The following CACNG3 variants were observed in gnomAD, a reference collection of about 807,000 sequenced individuals.
CACNG3 encodes voltage-dependent calcium channel gamma-3 subunit.
Under a neutral mutation model 28.5 loss-of-function variants are expected in CACNG3, and 3 were observed. The ratio of observed to expected loss-of-function variants is 0.11; its 90% CI spans 0.05 to 0.27. CACNG3 has a LOEUF of 0.27. CACNG3 is among the 10% of genes least tolerant of loss of function. The pLI is 1.00. For missense variants in CACNG3, 236 were observed against 414.4 expected (o/e 0.57, Z 3.74); for synonymous variants, 174 against 162.2 (o/e 1.07, Z -0.55).
chr16:24,349,676 A>C (rs1047346441), intron 2 of CACNG3, among the ~76,000 whole-genome samples: 7 of 152,296 alleles, frequency 4.6e-5, no homozygotes, highest in African/African-American at 1.7e-4. Flanking sequence ...GGACGACCAG[A>C]GGTCACTTTC....
chr16:24,310,848 G>A (rs1899251363), intron 1 of CACNG3, among the ~76,000 whole-genome samples: 1 of 152,106 alleles, frequency 6.6e-6, no homozygotes, highest in African/African-American at 2.4e-5. Context: ...ACAGAGGAAT[G>A]TTCATTCAAC....
chr16:24,261,334 A>G (rs1567205570), intron 1 of CACNG3, among the ~76,000 whole-genome samples: 1 of 152,228 alleles, frequency 6.6e-6, no homozygotes, highest in Non-Finnish European at 1.5e-5. Flanking sequence ...GGAAAACACA[A>G]GCCTCATCTG....
chr16:24,338,209 C>A (rs1448156888), intron 1 of CACNG3, among the ~76,000 whole-genome samples: 1 of 152,142 alleles, frequency 6.6e-6, no homozygotes, highest in East Asian at 1.9e-4. Flanking sequence ...ATAACTGGCT[C>A]CTTCTCTTTT....
chr16:24,342,409 G>C (rs1044995421), intron 1 of CACNG3, among the ~76,000 whole-genome samples: 1 of 152,102 alleles, frequency 6.6e-6, no homozygotes, highest in Non-Finnish European at 1.5e-5. Flanking sequence ...CCAGATTTGC[G>C]CCAGAAGCCA....
intron 1 of CACNG3, among the ~76,000 whole-genome samples, chr16:24,314,734 C>T (rs1899323046): frequency 2.6e-5 from 1 of 39,126 alleles, no homozygotes; most frequent in African/African-American, 9.2e-5. Context: ...AGGACTCTCG[C>T]CTCCTCCTCC....
intron 1 of CACNG3, among the ~76,000 whole-genome samples, chr16:24,287,876 A>C (rs1439790128): frequency 6.6e-6 from 1 of 152,176 alleles, no homozygotes; most frequent in Non-Finnish European, 1.5e-5. Context: ...GGAGAGGCCG[A>C]GGGGAGAGGA....
chr16:24,288,350 T>A (rs62029005), intron 1 of CACNG3, among the ~76,000 whole-genome samples: 30,809 of 152,140 alleles, frequency 0.2, 3,599 homozygotes, highest in Non-Finnish European at 0.28. Context: ...CTTTTATAGA[T>A]GAGAAACCTG....
intron 1 of CACNG3, among the ~76,000 whole-genome samples, chr16:24,311,386 G>C (rs984111893): frequency 9.2e-5 from 14 of 151,988 alleles, no homozygotes; most frequent in African/African-American, 3.4e-4. Flanking sequence ...GGCACCACCT[G>C]TAGTCCCAGC....
chr16:24,313,654 C>T (rs1276111307), intron 1 of CACNG3, among the ~76,000 whole-genome samples: 1 of 152,060 alleles, frequency 6.6e-6, no homozygotes, highest in East Asian at 1.9e-4. Flanking sequence ...CAGACAAGGT[C>T]TTATAATTTT....
At chr16:24,345,195 G>A (rs16973553) in intron 1 of CACNG3, among the ~76,000 whole-genome samples, 22 of 152,036 alleles carry the variant, frequency 1.4e-4, no homozygotes, top group Non-Finnish European at 2.6e-4. Flanking sequence ...AAATACCAAC[G>A]CAGCTCTGTC....
chr16:24,269,504 C>T lies in CACNG3; in HGVS notation c.211+12539C>T, dbSNP rs1022653593. Among the ~76,000 whole-genome samples the T allele has an allele frequency of 3.3e-5, 5 of 152,050 alleles. No homozygotes were observed. The East Asian group carries it at 9.7e-4, about 29-fold the overall frequency. ...CGGTGGCTCACACCTGTGATCCCAG[C>T]AGTTTGGGAGGTCAAGGTGGGTGGA... On this transcript the variant is annotated intron_variant, in intron 1 of 3. Transcript: ENST00000005284.
chr16:24,288,132 T>C (rs1430033889), intron 1 of CACNG3, among the ~76,000 whole-genome samples: 1 of 152,136 alleles, frequency 6.6e-6, no homozygotes, highest in Non-Finnish European at 1.5e-5. Context: ...AAGACAAAAA[T>C]GAAACTTAGC....
chr16:24,278,622 TAATA>T lies in CACNG3; in HGVS notation c.211+21676_211+21679del, dbSNP rs545675177. Among the ~76,000 whole-genome samples, 8 of 152,030 alleles carry T rather than the reference TAATA, an allele frequency of 5.3e-5. 1 individual carries two copies. In the South Asian group the frequency reaches 1.2e-3, roughly 24 times the overall value. On this transcript the variant is annotated intron_variant, in intron 1 of 3. Transcript: ENST00000005284. ...AGAGGGAGACTCTGTCTAAAAATAA[TAATA>T]AATAAATAAATAAATAAAATCTAAC... is the stretch of plus-strand genomic sequence containing the variant.
At chr16:24,295,724 C>T (rs994176327) in intron 1 of CACNG3, among the ~76,000 whole-genome samples, 3 of 152,044 alleles carry the variant, frequency 2.0e-5, no homozygotes, top group Non-Finnish European at 4.4e-5. Flanking sequence ...CGGCACACAC[C>T]TGTAGTCCCA....
intron 2 of CACNG3, among the ~76,000 whole-genome samples, chr16:24,350,451 CCAT>C (rs1472744102): frequency 6.6e-6 from 1 of 152,198 alleles, no homozygotes; most frequent in South Asian, 2.1e-4. Context: ...CCCACCACCA[CCAT>C]GTCTGGCTAA....
chr16:24,302,016 G>A (rs780623452), intron 1 of CACNG3, among the ~76,000 whole-genome samples: 12 of 152,168 alleles, frequency 7.9e-5, no homozygotes, highest in African/African-American at 1.9e-4. Flanking sequence ...CATAGGTGAA[G>A]GTTCTAGATC....
At position 24,256,705 on chromosome 16, in the gene CACNG3, A is replaced by G; in HGVS notation, c.-50A>G. 3 of 1,267,086 alleles carry G rather than the reference A, an allele frequency of 2.4e-6. No homozygotes were observed. The highest frequency in any genetic ancestry group is 3.5e-6 in the Non-Finnish European group (3 of 864,380). 78.5% of individuals were successfully genotyped at this position (1,267,086 alleles called of 1,614,324 possible). On this transcript the variant is annotated 5_prime_UTR_variant, in exon 1 of 4. Coordinates refer to ENST00000005284, the MANE Select transcript of CACNG3 (RefSeq NM_006539.4). The surrounding 1 kb of genome is among the most constrained non-coding windows in gnomAD (Gnocchi z 4.6). ...CTGCAGAGTGATTTTCCCCTCCGGC[A>G]CTGACTCTCCCCCTCCAACCCCCAG...
intron 1 of CACNG3, among the ~76,000 whole-genome samples, chr16:24,258,484 G>A (rs926075719): frequency 2.6e-5 from 4 of 152,194 alleles, no homozygotes; most frequent in African/African-American, 9.7e-5. Flanking sequence ...GAAATGATAC[G>A]TTTGGATTAG....
chr16:24,359,361 G>T (rs1016991938), intron 3 of CACNG3, among the ~76,000 whole-genome samples: 41 of 152,096 alleles, frequency 2.7e-4, no homozygotes, highest in Non-Finnish European at 3.7e-4. Flanking sequence ...AAGAGGAGCT[G>T]TTTGTCACCC....
Sources: gnomAD v4.1 joint callset for allele counts (sites outside exome capture counted in the v4.1 genomes callset) on GRCh38, gnomAD v4.1.1 for gene constraint, Gnocchi (gnomAD v3.1) non-coding constraint, MANE v1.5 for transcripts, NCBI Gene and HGNC (gene_info 2026-07-23, HGNC 2026-07-21) for gene names.